PHLDB3: variants seen among roughly 807,000 people sequenced by gnomAD.
PHLDB3 encodes the protein pleckstrin homology-like domain family B member 3.
In PHLDB3, 86 loss-of-function variants were observed where a neutral mutation model predicts 85.7. The ratio of observed to expected loss-of-function variants is 1.00; its 90% CI spans 0.84 to 1.20. The LOEUF (loss-of-function observed/expected upper bound fraction) is 1.20, where lower values mean the gene tolerates loss of function less well. Among genes scored for constraint, PHLDB3 ranks in the 50% most tolerant of loss-of-function variants. The probability of loss-of-function intolerance (pLI) is 0.00; values close to 1 mark genes in which losing one functional copy is unlikely to be tolerated. For synonymous variants in PHLDB3, 376 were observed against 349.8 expected (o/e 1.07, Z -0.83); for missense variants, 995 against 873.0 (o/e 1.14, Z -1.76).
chr19:43,494,621 G>T, intron 9 of PHLDB3, 81 bp downstream of exon 9: 1 of 1,179,710 alleles, frequency 8.5e-7, no homozygotes, highest in Non-Finnish European at 1.2e-6. Context: ...GGAGACCCCA[G>T]TTCGGGGACT....
At position 43,487,124 on chromosome 19, in the gene PHLDB3, C is replaced by T. The variant is rs1160582085; in HGVS notation, c.1150-1G>A. ...CAGTCCTCTGGAGGCCAATGGAGCC[C>T]TGAAAACACAAAAGGCTCATGAGCA... On this transcript the variant is annotated splice_acceptor_variant, in intron 9 of 15. Coordinates refer to ENST00000292140, the MANE Select transcript of PHLDB3 (RefSeq NM_198850.4). LOFTEE classifies it high-confidence loss of function. 5 of 1,556,936 alleles carry T rather than the reference C, an allele frequency of 3.2e-6. No individual in the cohort carries two copies. The highest frequency in any genetic ancestry group is 4.3e-6 in the Non-Finnish European group (5 of 1,149,754).
At chr19:43,498,470 AAG>A (rs1000953062) in intron 4 of PHLDB3, among the ~76,000 whole-genome samples, 1 of 151,982 alleles carries the variant, frequency 6.6e-6, no homozygotes, top group Non-Finnish European at 1.5e-5. Flanking sequence ...AAGGAGGAGA[AAG>A]AGAAACAAAA....
At position 43,479,474 on chromosome 19, in the gene PHLDB3, G is replaced by C; in HGVS notation, c.1605C>G (p.Cys535Trp). Residue 535 changes from cysteine to tryptophan, a missense_variant, in exon 14 of 16, where the codon TGC becomes TGG. Coordinates refer to ENST00000292140, the MANE Select transcript of PHLDB3 (RefSeq NM_198850.4). ...CPHVQVSGCC[C>W]RGPLVKMGGR... ...CGCCCATCTTCACCAGGGGTCCACG[G>C]CAGCAGCACCCAGACACCTGCACAT... is the stretch of plus-strand genomic sequence containing the variant. 6.4e-7 allele frequency: 1 copy of C among 1,562,162 alleles called. No individual in the cohort carries two copies. The highest frequency in any genetic ancestry group is 8.7e-7 in the Non-Finnish European group (1 of 1,153,672).
At chr19:43,487,929 G>A (rs1971220649) in intron 9 of PHLDB3, among the ~76,000 whole-genome samples, 1 of 151,888 alleles carries the variant, frequency 6.6e-6, no homozygotes. Context: ...CGAGGCGGGT[G>A]AATAACTTGA....
rs1299190833 is a variant in PHLDB3, at chr19:43,478,072, T to A, written c.1763A>T (p.Tyr588Phe). ...IYFQAIEEVY[Y>F]DHLRCAFKSP... ...CTTGAAGGCACAGCGTAAGTGGTCA[T>A]AATAGACTTCCTCAATGGCCTGGAA... Residue 588 changes from tyrosine (Y) to phenylalanine (F), a missense_variant, in exon 15 of 16, where the codon TAT becomes TTT. Transcript: ENST00000292140. 5.0e-6 allele frequency: 8 copies of A among 1,613,606 alleles called. No individual in the cohort carries two copies. The highest frequency in any genetic ancestry group is 5.9e-6 in the Non-Finnish European group (7 of 1,179,580).
At chr19:43,500,010 C>T (rs558285410) in intron 4 of PHLDB3, among the ~76,000 whole-genome samples, 22 of 152,126 alleles carry the variant, frequency 1.4e-4, no homozygotes, top group African/African-American at 4.3e-4. Flanking sequence ...GAGGCCAAGG[C>T]GGGCAGATCA....
chr19:43,479,529 C>T lies in PHLDB3; in HGVS notation c.1550G>A (p.Gly517Glu), dbSNP rs1490098944. ...GCAGTTTTCCGGGTTGTGGCCCCAT[C>T]CCTCCAGATGCTGCCGGAGATCCAA... ...RILDLRQHLEGWGHNPENCPH... is the reference protein window; with the variant it reads ...RILDLRQHLEEWGHNPENCPH... Residue 517 changes from glycine to glutamate, a missense_variant, in exon 14 of 16, where the codon GGA becomes GAA. Physicochemically the swap from Gly to Glu is moderately conservative, Grantham distance 98. Transcript: ENST00000292140. 2.6e-6 allele frequency: 4 copies of T among 1,552,766 alleles called. No individual in the cohort carries two copies. The Admixed American group carries it at 7.8e-5, about 30-fold the overall frequency.
At chr19:43,475,860 A>G (rs755069780) in intron 15 of PHLDB3, among the ~76,000 whole-genome samples, 5 of 152,060 alleles carry the variant, frequency 3.3e-5, no homozygotes, top group African/African-American at 4.8e-5. Context: ...CAGTGGCGCA[A>G]TCTTGGCTCA....
intron 14 of PHLDB3, 144 bp from the exon 15 acceptor site, chr19:43,478,276 G>A: frequency 1.7e-6 from 1 of 595,228 alleles, no homozygotes. Flanking sequence ...CTAAAGGTTG[G>A]GAGGTGAGTG....
intron 5 of PHLDB3, among the ~76,000 whole-genome samples, chr19:43,497,544 T>C (rs911013797): frequency 1.3e-5 from 2 of 152,028 alleles, no homozygotes; most frequent in African/African-American, 4.8e-5. Context: ...AAACCCCGTC[T>C]CTACTAAAAT....
intron 15 of PHLDB3, among the ~76,000 whole-genome samples, chr19:43,475,776 TA>T (rs1294580275): frequency 3.9e-5 from 6 of 152,132 alleles, no homozygotes; most frequent in Non-Finnish European, 7.4e-5. Context: ...GCGCTATTGA[TA>T]AATTAGGGGC....
At position 43,490,898 on chromosome 19, in the gene PHLDB3, T is replaced by C. The variant is rs551486343; in HGVS notation, c.1150-3775A>G. Among the ~76,000 whole-genome samples, 4 of 152,312 alleles carry C rather than the reference T, an allele frequency of 2.6e-5. No individual in the cohort carries two copies. In the South Asian group the frequency reaches 8.3e-4, roughly 32 times the overall value. ...GTCATTTCTCTTCTCAAGCGAGGTG[T>C]CCTCTCTGTAAAGTGGGTAACATCT... On this transcript the variant is annotated intron_variant, in intron 9 of 15. Coordinates refer to ENST00000292140, the MANE Select transcript of PHLDB3 (RefSeq NM_198850.4).
intron 13 of PHLDB3, among the ~76,000 whole-genome samples, chr19:43,485,166 T>TA (rs1306501625): frequency 6.6e-6 from 1 of 151,942 alleles, no homozygotes; most frequent in Non-Finnish European, 1.5e-5. Context: ...TCTATTAATC[T>TA]ACTCCTTCTC....
rs553825315 is a variant in PHLDB3 at position 43,486,266 on chromosome 19, C to A, written c.1485G>T (p.Thr495=). The change falls in exon 13 of 16, where the codon ACG becomes ACT. Residue 495 remains threonine, a splice_region_variant and synonymous_variant. Coordinates refer to ENST00000292140, the MANE Select transcript of PHLDB3 (RefSeq NM_198850.4). ...GSSGPAVPAI[T]APPTPPHPPG... ...GCGTGAGGGCGGGGGTGGGACTGAC[C>A]GTGATGGCAGGAACAGCAGGGCCTG... The A allele has an allele frequency of 6.2e-7, 1 of 1,610,180 alleles. No individual in the cohort carries two copies. Among genetic ancestry groups the A allele is most frequent in the Admixed American group, 1.7e-5 (1 of 59,498 alleles).
chr19:43,501,143 T>C (rs902447941), intron 4 of PHLDB3, among the ~76,000 whole-genome samples: 1 of 151,378 alleles, frequency 6.6e-6, no homozygotes, highest in Non-Finnish European at 1.5e-5. Context: ...TGCCTGACTA[T>C]TGTGGGGTGG....
chr19:43,479,326 C>T (rs773888054), intron 14 of PHLDB3, 51 bp downstream of exon 14: 51 of 1,526,760 alleles, frequency 3.3e-5, no homozygotes, highest in Non-Finnish European at 4.4e-5. Context: ...GAAAGGCCTC[C>T]GGAGTGGAAT....
intron 8 of PHLDB3, 57 bp from the exon 9 acceptor site, chr19:43,494,872 AG>A: frequency 1.5e-6 from 2 of 1,319,396 alleles, no homozygotes; most frequent in Non-Finnish European, 2.1e-6. Context: ...AGCAACTGCC[AG>A]TTTCCACGTG....
intron 4 of PHLDB3, chr19:43,501,510 A>T: frequency 1.2e-6 from 1 of 843,690 alleles, no homozygotes; most frequent in Non-Finnish European, 1.8e-6. Context: ...ACACACCCAC[A>T]TTTAAATAGC....
At chr19:43,480,115 AT>A (rs1182330242) in intron 13 of PHLDB3, among the ~76,000 whole-genome samples, 15 of 151,088 alleles carry the variant, frequency 9.9e-5, no homozygotes, top group Non-Finnish European at 2.2e-4. Flanking sequence ...AAAAAAAAAA[AT>A]TTTTTTTGGA....
Sources: gnomAD v4.1 joint callset for allele counts (sites outside exome capture counted in the v4.1 genomes callset) on GRCh38, gnomAD v4.1.1 for gene constraint, MANE v1.5 for transcripts, NCBI Gene and HGNC (gene_info 2026-07-23, HGNC 2026-07-21) for gene names.